NTMT2: variants seen among roughly 807,000 people sequenced by gnomAD.
NTMT2 encodes X-Pro-Lys N-terminal protein methyltransferase 1B.
In NTMT2, 21 loss-of-function variants were observed where a neutral mutation model predicts 23.4. The observed-to-expected ratio is 0.90, with a 90% CI of 0.64 to 1.29. NTMT2 has a LOEUF of 1.29. Among genes scored for constraint, NTMT2 ranks in the 50% most tolerant of loss-of-function variants. NTMT2 has a pLI of 0.00. For synonymous variants in NTMT2, 131 were observed against 127.7 expected, an observed-to-expected ratio of 1.03 and a Z score of -0.17; for missense variants, 336 against 352.0, an observed-to-expected ratio of 0.95 and a Z score of 0.36.
At chr1:170,149,939 A>G (rs1441268883) in intron 1 of NTMT2, among the ~76,000 whole-genome samples, 1 of 152,212 alleles carries the variant, frequency 6.6e-6, no homozygotes, top group African/African-American at 2.4e-5. Context: ...GTTTGGAAAT[A>G]AAACTTAGCC....
intron 1 of NTMT2, among the ~76,000 whole-genome samples, chr1:170,155,065 C>T (rs1309468555): frequency 1.3e-5 from 2 of 152,070 alleles, no homozygotes; most frequent in Non-Finnish European, 2.9e-5. Flanking sequence ...GCTTCACTTT[C>T]TGCCATGGTA....
At chr1:170,163,229 G>T (rs1327668400) in intron 2 of NTMT2, among the ~76,000 whole-genome samples, 1 of 152,126 alleles carries the variant, frequency 6.6e-6, no homozygotes, top group African/African-American at 2.4e-5. Flanking sequence ...AAGTACAAAT[G>T]CAGTCCTTTT....
intron 2 of NTMT2, among the ~76,000 whole-genome samples, chr1:170,165,364 T>C (rs1010207233): frequency 5.9e-5 from 9 of 152,074 alleles, no homozygotes; most frequent in African/African-American, 2.2e-4. Flanking sequence ...AAAAAAACAG[T>C]TTTAGAGTTT....
At chr1:170,153,827 A>G (rs1195774495) in intron 1 of NTMT2, among the ~76,000 whole-genome samples, 1 of 152,212 alleles carries the variant, frequency 6.6e-6, no homozygotes, top group Non-Finnish European at 1.5e-5. Context: ...ATTAAAGTAG[A>G]TTGTGAAACA....
At chr1:170,156,149 T>C (rs1451709034) in intron 1 of NTMT2, among the ~76,000 whole-genome samples, 2 of 152,174 alleles carry the variant, frequency 1.3e-5, no homozygotes, top group Non-Finnish European at 2.9e-5. Context: ...GTATCCTTCA[T>C]GGTTAAGGTC....
intron 1 of NTMT2, chr1:170,158,106 A>C (rs1673200469): frequency 6.6e-6 from 1 of 152,082 alleles, no homozygotes; most frequent in East Asian, 1.9e-4. Context: ...CTGAAGAATG[A>C]ATCTATAGGA....
rs1180789678 is a variant in NTMT2 at position 170,166,713 on chromosome 1, T to G, written c.542T>G (p.Phe181Cys). ...AGCCTGCAGGAATTCACACCCCCCT[T>G]CAGGAGATATGATGTCATCTGGATT... is the stretch of plus-strand genomic sequence containing the variant. ...CYSLQEFTPP[F>C]RRYDVIWIQW... is the part of the protein sequence containing the mutation. The change falls in exon 3 of 4, where the codon TTC (phenylalanine) becomes TGC (cysteine). Residue 181 changes from phenylalanine (F) to cysteine (C), a missense_variant. Phe to Cys is a radical substitution (Grantham distance 205). Coordinates refer to ENST00000439373, the MANE Select transcript of NTMT2 (RefSeq NM_001136107.2). 1 of 1,552,294 alleles carries G rather than the reference T, an allele frequency of 6.4e-7. No homozygotes were observed. The highest frequency in any genetic ancestry group is 8.7e-7 in the Non-Finnish European group (1 of 1,147,110).
intron 1 of NTMT2, among the ~76,000 whole-genome samples, chr1:170,146,963 A>G (rs77700273): frequency 0.029 from 4,420 of 152,302 alleles, 92 homozygotes; most frequent in Non-Finnish European, 0.046. Flanking sequence ...ACAGCACTGA[A>G]GAGGAAATAA....
At position 170,166,890 on chromosome 1, in the gene NTMT2, T is replaced by G. The variant is rs576045841; in HGVS notation, c.580+139T>G. On this transcript the variant is annotated intron_variant, in intron 3 of 3. Transcript: ENST00000439373. ...AGCTAGCCTTAGGTGTCATGTGAAC[T>G]CCCACAAAACTCTGATCCTCCAGAT... 46 of 813,964 alleles carry G rather than the reference T, an allele frequency of 5.7e-5. No homozygotes were observed. In the East Asian group the frequency reaches 8.6e-4, roughly 15 times the overall value. 50.4% of individuals were successfully genotyped at this position (813,964 alleles called of 1,614,324 possible).
intron 1 of NTMT2, among the ~76,000 whole-genome samples, chr1:170,154,984 G>A (rs1031165642): frequency 6.6e-6 from 1 of 152,110 alleles, no homozygotes; most frequent in South Asian, 2.1e-4. Flanking sequence ...TATGAGATCT[G>A]GTTGTTTAAA....
chr1:170,147,528 C>T (rs1159525035), intron 1 of NTMT2, among the ~76,000 whole-genome samples: 1 of 151,914 alleles, frequency 6.6e-6, no homozygotes, highest in Non-Finnish European at 1.5e-5. Context: ...TAATACATCT[C>T]ATCTATATCC....
In NTMT2 at chr1:170,167,706, G is replaced by A; in HGVS notation, c.801G>A (p.Glu267=). 8.4e-6 allele frequency: 13 copies of A among 1,551,490 alleles called. No homozygotes were observed. Among genetic ancestry groups the A allele is most frequent in the Non-Finnish European group, 1.1e-5 (13 of 1,146,932 alleles). The change falls in exon 4 of 4, where the codon GAG becomes GAA. Residue 267 remains glutamate, a synonymous_variant. Coordinates refer to ENST00000439373, the MANE Select transcript of NTMT2 (RefSeq NM_001136107.2). ...AGGAGAAGCAGGATGGCTTCCCAGA[G>A]CAGTGCATCCCCGTGTGGATGTTCG... ...LGQEKQDGFP[E]QCIPVWMFAL...
chr1:170,157,411 G>A (rs1197084590), intron 1 of NTMT2, among the ~76,000 whole-genome samples: 7 of 152,116 alleles, frequency 4.6e-5, no homozygotes, highest in Non-Finnish European at 1.0e-4. Context: ...TCCAGAAAAT[G>A]ATGTGCTACA....
chr1:170,155,485 A>T (rs566602914), intron 1 of NTMT2, among the ~76,000 whole-genome samples: 5 of 151,344 alleles, frequency 3.3e-5, no homozygotes, highest in African/African-American at 1.2e-4. Flanking sequence ...AATCTCTTTT[A>T]TGGAAGGTCT....
intron 1 of NTMT2, among the ~76,000 whole-genome samples, chr1:170,147,895 CT>C (rs564447850): frequency 1.3e-5 from 2 of 152,086 alleles, no homozygotes; most frequent in South Asian, 4.1e-4. Context: ...GTCTCAATCC[CT>C]TTTTTTGTTC....
intron 1 of NTMT2, among the ~76,000 whole-genome samples, chr1:170,147,780 A>G (rs1354629197): frequency 1.3e-5 from 2 of 152,216 alleles, no homozygotes; most frequent in African/African-American, 4.8e-5. Flanking sequence ...AAAAGAAGTC[A>G]CCTTTGAAGG....
Position 170,162,856 on chromosome 1 carries a change from C to CTTTATTTA in NTMT2, c.330+2192_330+2199dup, listed in dbSNP as rs61583139. Among the ~76,000 whole-genome samples, 557 of 148,860 alleles carry CTTTATTTA rather than the reference C, an allele frequency of 3.7e-3. 4 individuals are homozygous for CTTTATTTA. Among genetic ancestry groups the CTTTATTTA allele is most frequent in the African/African-American group, 0.013 (530 of 40,434 alleles). On this transcript the variant is annotated intron_variant, in intron 2 of 3. Coordinates refer to ENST00000439373, the MANE Select transcript of NTMT2 (RefSeq NM_001136107.2). ...TCTCATGAAACTGAAAAAATCCCTGCTTTATTTATTTATTTATTTATTTAT... is the reference window on the plus strand; with the variant it reads ...TCTCATGAAACTGAAAAAATCCCTGCTTTATTTATTTATTTATTTATTTATTTATTTAT...
intron 1 of NTMT2, among the ~76,000 whole-genome samples, chr1:170,146,736 T>G (rs570151267): frequency 6.6e-6 from 1 of 152,338 alleles, no homozygotes; most frequent in Admixed American, 6.5e-5. Flanking sequence ...CTTACAATCC[T>G]CTGCGGTCTT....
intron 1 of NTMT2, 35 bp from the exon 2 acceptor site, chr1:170,160,483 A>G: frequency 2.8e-6 from 4 of 1,418,034 alleles, no homozygotes; most frequent in Admixed American, 3.0e-5. Flanking sequence ...TTATCTTATA[A>G]ATATTAATAC....
Sources: gnomAD v4.1 joint callset for allele counts (sites outside exome capture counted in the v4.1 genomes callset) on GRCh38, gnomAD v4.1.1 for gene constraint, MANE v1.5 for transcripts, NCBI Gene and HGNC (gene_info 2026-07-23, HGNC 2026-07-21) for gene names.